The following PLCXD1 variants were observed in gnomAD, a reference collection of about 807,000 sequenced individuals.
PLCXD1 encodes the protein phosphatidylinositol specific phospholipase C X domain containing 1.
In PLCXD1, 45 loss-of-function variants were observed where a neutral mutation model predicts 37.8. That is an observed-to-expected ratio of 1.19 (90% CI 0.94 to 1.53). The LOEUF (loss-of-function observed/expected upper bound fraction) is 1.53, where lower values mean the gene tolerates loss of function less well. PLCXD1 is among the 40% of genes most tolerant of loss of function. The pLI, the probability that PLCXD1 is intolerant of heterozygous loss-of-function variation, is 0.00. For missense variants in PLCXD1, 539 were observed against 454.7 expected, an observed-to-expected ratio of 1.19 and a Z score of -1.69; for synonymous variants, 246 against 206.9, an observed-to-expected ratio of 1.19 and a Z score of -1.62.
rs1384891441 is a variant in PLCXD1, at chrX:284,268, G to A, written c.81G>A (p.Leu27=). 3 of 1,613,552 alleles carry A rather than the reference G, an allele frequency of 1.9e-6. No individual in the cohort carries two copies. The highest frequency in any genetic ancestry group is 1.1e-5 in the South Asian group (1 of 91,038). Residue 27 remains leucine (L), a synonymous_variant, in exon 2 of 7, where the codon CTG becomes CTA. Transcript: ENST00000381657. Reference sequence around the variant, plus strand: ...CCAACGAGGACTGGATGTCGGCACTGTGTCCCCGGCTCTGGGATGTGCCCC... The same window carrying A: ...CCAACGAGGACTGGATGTCGGCACTATGTCCCCGGCTCTGGGATGTGCCCC... The part of the protein sequence containing the change: ...RNANEDWMSA[L]CPRLWDVPLH...
intron 2 of PLCXD1, among the ~76,000 whole-genome samples, chrX:284,629 C>CACACAT (rs368990247): frequency 3.3e-5 from 5 of 149,642 alleles, no homozygotes; most frequent in African/African-American, 7.4e-5. Flanking sequence ...CATCTGCACA[C>CACACAT]GCACATCTGC....
At position 300,824 on chromosome X, in the gene PLCXD1, C is replaced by G. The variant is rs1219129355; in HGVS notation, c.*1489C>G. On this transcript the variant is annotated 3_prime_UTR_variant, in exon 7 of 7. Coordinates refer to ENST00000381657, the MANE Select transcript of PLCXD1 (RefSeq NM_018390.4). The stretch of plus-strand genomic sequence containing the variant: ...GTTCAAGCAATTCTCCTGCCTCCGC[C>G]TCCCGAGTAGCTGGGATGACAGGCA... The G allele has an allele frequency of 2.0e-5, 3 of 152,112 alleles. No homozygotes were observed. The highest frequency in any genetic ancestry group is 2.0e-4 in the Admixed American group (3 of 15,252). 9.4% of individuals were successfully genotyped at this position (152,112 alleles called of 1,614,324 possible). A position where few individuals can be genotyped will look rare whatever the true frequency, so the allele number is the denominator to read the frequency against.
chrX:288,821 C>T lies in PLCXD1; in HGVS notation c.216C>T (p.Ala72=). 1 of 1,613,764 alleles carries T rather than the reference C, an allele frequency of 6.2e-7. No homozygotes were observed. The highest frequency in any genetic ancestry group is 1.1e-5 in the South Asian group (1 of 91,066). ...GGCTGCTGCAGCTGCTGAACAAGGC[C>T]TTGCCCTGCATCACGCGCCCTGTCG... is the stretch of plus-strand genomic sequence containing the variant. ...ESRLLQLLNK[A]LPCITRPVVL... Residue 72 remains alanine, a synonymous_variant, in exon 3 of 7, where the codon GCC becomes GCT. Transcript: ENST00000381657.
chrX:299,262 CG>C lies in PLCXD1; in HGVS notation c.904del (p.Asp302ThrfsTer53). 6.2e-7 allele frequency: 1 copy of C among 1,613,876 alleles called. No individual in the cohort carries two copies. Among genetic ancestry groups the C allele is most frequent in the South Asian group, 1.1e-5 (1 of 91,078 alleles). On this transcript the variant is annotated frameshift_variant, in exon 7 of 7. Transcript: ENST00000381657. LOFTEE classifies it high-confidence loss of function. ...GPGSRCTNIIAGDFIGADGFV... is the reference protein window; with the variant it reads ...GPGSRCTNIIXGDFIGADGFV... ...GGTTCACGGTGCACCAACATCATCG[CG>C]GGGGACTTCATCGGCGCAGACGGCT...
chrX:279,558 A>C (rs376281559), upstream of PLCXD1, among the ~76,000 whole-genome samples: 2 of 152,112 alleles, frequency 1.3e-5, no homozygotes, highest in African/African-American at 2.4e-5. Context: ...GATCACCTGA[A>C]GTCAGGAGTT....
At chrX:276,713 C>CT (rs2069163986), upstream of PLCXD1, among the ~76,000 whole-genome samples, 3 of 152,166 alleles carry the variant, frequency 2.0e-5, no homozygotes, top group Admixed American at 2.0e-4. Flanking sequence ...GGGGCCACGA[C>CT]TTGCTTGGCC....
upstream of PLCXD1, among the ~76,000 whole-genome samples, chrX:279,775 G>GGAAA (rs757116573): frequency 0.032 from 4,524 of 140,284 alleles, 201 homozygotes; most frequent in African/African-American, 0.1. Context: ...CCCTGTCTCT[G>GGAAA]AAAAAAAAAA....
chrX:299,421 T>G lies in PLCXD1; in HGVS notation c.*86T>G. 1.0e-6 allele frequency: 1 copy of G among 966,710 alleles called. No individual in the cohort carries two copies. Among genetic ancestry groups the G allele is most frequent in the Non-Finnish European group, 1.7e-6 (1 of 594,036 alleles). The allele number at this position is 966,710 out of a possible 1,614,324, so 59.9% of individuals were successfully genotyped here. On this transcript the variant is annotated 3_prime_UTR_variant, in exon 7 of 7. Transcript: ENST00000381657. ...TTGTGACTTTGTTTGGGCCAAATGT[T>G]GGTGATCATAGGACCGATGATAATA...
At chrX:276,966 C>T (rs1264800580), upstream of PLCXD1, among the ~76,000 whole-genome samples, 5 of 152,110 alleles carry the variant, frequency 3.3e-5, no homozygotes, top group African/African-American at 1.2e-4. Context: ...CCCCGCCTGG[C>T]GGGTCACCGG....
chrX:296,807 C>T (rs1441857963), intron 6 of PLCXD1, among the ~76,000 whole-genome samples: 61 of 152,184 alleles, frequency 4.0e-4, no homozygotes, highest in Non-Finnish European at 8.2e-4. Flanking sequence ...AGGACGTGGA[C>T]ATCTTTGGGG....
chrX:291,694 A>T, intron 5 of PLCXD1, 40 bp downstream of exon 5: 1 of 1,602,974 alleles, frequency 6.2e-7, no homozygotes, highest in South Asian at 1.1e-5. Context: ...CTCCCGGGGC[A>T]GGGGCATCGT....
rs370945145 is a variant in PLCXD1, at chrX:292,431, C to T, written c.550-604C>T. 2.4e-4 allele frequency among the ~76,000 whole-genome samples: 37 copies of T among 151,824 alleles called. No homozygotes were observed. The East Asian group carries it at 4.5e-3, about 18-fold the overall frequency. ...CCGAGATCGCGCCACTGCATTCCAG[C>T]CTGGGAGACAGAGCGAGATCCGTCT... On this transcript the variant is annotated intron_variant, in intron 5 of 6. Transcript: ENST00000381657.
chrX:291,177 G>GCT (rs2069622755), intron 4 of PLCXD1, among the ~76,000 whole-genome samples: 1 of 147,512 alleles, frequency 6.8e-6, no homozygotes, highest in Non-Finnish European at 1.5e-5. Flanking sequence ...ATGGAGTCTT[G>GCT]CTGTGTCGCC....
rs758579915 is a variant in PLCXD1 at position 302,791 on chromosome X, C to A, written c.*3456C>A. Reference sequence around the variant, plus strand: ...GTTTCACCATGTTGGCCAGGCTGGTCTCGATCTCCTGACCTCAGGTGATCC... The same window carrying A: ...GTTTCACCATGTTGGCCAGGCTGGTATCGATCTCCTGACCTCAGGTGATCC... On this transcript the variant is annotated 3_prime_UTR_variant, in exon 7 of 7. Transcript: ENST00000381657. 1 of 152,194 alleles carries A rather than the reference C, an allele frequency of 6.6e-6. No individual in the cohort carries two copies. Among genetic ancestry groups the A allele is most frequent in the Non-Finnish European group, 1.5e-5 (1 of 68,022 alleles). The allele number at this position is 152,194 out of a possible 1,614,324, so 9.4% of individuals were successfully genotyped here.
chrX:278,137 C>T (rs2069190826), upstream of PLCXD1, among the ~76,000 whole-genome samples: 1 of 131,790 alleles, frequency 7.6e-6, no homozygotes, highest in African/African-American at 2.8e-5. Flanking sequence ...GGAGTGGACA[C>T]CCCTCAGTGG....
At chrX:285,624 CAT>C (rs1485992281) in intron 2 of PLCXD1, among the ~76,000 whole-genome samples, 3 of 151,736 alleles carry the variant, frequency 2.0e-5, no homozygotes, top group African/African-American at 7.3e-5. Flanking sequence ...CACAGGCACA[CAT>C]GCACATGCAC....
rs1569564514 is a variant in PLCXD1 at position 290,865 on chromosome X, AGGGGG to A, written c.393+90_393+94del. The A allele has an allele frequency of 2.6e-5, 16 of 619,870 alleles. 1 individual carries two copies. In the African/African-American group the frequency reaches 3.4e-4, roughly 13 times the overall value. 38.4% of individuals were successfully genotyped at this position (619,870 alleles called of 1,614,324 possible). On this transcript the variant is annotated intron_variant, in intron 4 of 6. Coordinates refer to ENST00000381657, the MANE Select transcript of PLCXD1 (RefSeq NM_018390.4). Reference sequence around the variant, plus strand: ...TGCGGCCGGGCTGAGGTGGGAAGCAAGGGGGACAGCGGGAGGCGGCCGGGCACTGG... The same window carrying A: ...TGCGGCCGGGCTGAGGTGGGAAGCAAACAGCGGGAGGCGGCCGGGCACTGG...
chrX:296,722 C>T (rs1190839054), intron 6 of PLCXD1, among the ~76,000 whole-genome samples: 1 of 152,116 alleles, frequency 6.6e-6, no homozygotes, highest in South Asian at 2.1e-4. Context: ...CAACAGCATT[C>T]TTCCTGTCTA....
At chrX:287,946 T>C (rs1474051203) in intron 2 of PLCXD1, among the ~76,000 whole-genome samples, 2 of 151,998 alleles carry the variant, frequency 1.3e-5, no homozygotes, top group Non-Finnish European at 2.9e-5. Flanking sequence ...TACAGAAATC[T>C]GAAGTCAAGA....
Sources: gnomAD v4.1 joint callset for allele counts (sites outside exome capture counted in the v4.1 genomes callset) on GRCh38, gnomAD v4.1.1 for gene constraint, MANE v1.5 for transcripts, NCBI Gene and HGNC (gene_info 2026-07-23, HGNC 2026-07-21) for gene names.